Variants in TMEM144 observed in about 807,000 individuals in gnomAD.
The protein encoded by TMEM144 is transmembrane protein 144.
In TMEM144, 39 loss-of-function variants were observed where a neutral mutation model predicts 43.6. The observed-to-expected ratio is 0.90, with a 90% CI of 0.69 to 1.17. The LOEUF is 1.17. Among genes scored for constraint, TMEM144 ranks in the 50% most tolerant of loss-of-function variants. The pLI is 0.00. For missense variants in TMEM144, 417 were observed against 411.9 expected, an observed-to-expected ratio of 1.01 and a Z score of -0.11; for synonymous variants, 154 against 133.6, an observed-to-expected ratio of 1.15 and a Z score of -1.06.
At chr4:158,234,793 G>A (rs73860315) in intron 7 of TMEM144, 76 of 152,368 alleles carry the variant, frequency 5.0e-4, no homozygotes, top group African/African-American at 1.8e-3. Context: ...GGACGATGCA[G>A]GGTTTCATCA....
intron 12 of TMEM144, among the ~76,000 whole-genome samples, chr4:158,252,402 A>C (rs1301648460): frequency 6.6e-6 from 1 of 151,998 alleles, no homozygotes; most frequent in African/African-American, 2.4e-5. Context: ...GACTACAGTC[A>C]CCTCCTAATT....
intron 7 of TMEM144, chr4:158,234,837 T>C (rs1025779589): frequency 6.5e-6 from 1 of 152,704 alleles, no homozygotes; most frequent in Non-Finnish European, 1.5e-5. Flanking sequence ...TGAAAACTTA[T>C]GAATTATTCA....
intron 2 of TMEM144, 92 bp from the exon 3 acceptor site, chr4:158,212,516 G>C (rs920205754): frequency 9.2e-5 from 51 of 552,154 alleles, no homozygotes; most frequent in Non-Finnish European, 1.9e-5. Flanking sequence ...GAGTCTTAGC[G>C]TGCTTTTGAA....
intron 4 of TMEM144, among the ~76,000 whole-genome samples, chr4:158,216,952 A>G (rs940950105): frequency 2.6e-5 from 4 of 152,300 alleles, no homozygotes; most frequent in East Asian, 1.9e-4. Flanking sequence ...TTTTATGGCC[A>G]AGTACTTCTG....
rs774546424 is a variant in TMEM144 at position 158,253,568 on chromosome 4, C to T, written c.*41C>T. On this transcript the variant is annotated 3_prime_UTR_variant, in exon 13 of 13. Transcript: ENST00000296529. ...CAGGTGGCAGCAGTAGTTAAGAGAA[C>T]GCGTCTATCGGACAGCGGAGAGATC... 5.5e-5 allele frequency: 83 copies of T among 1,497,194 alleles called. No homozygotes were observed. The highest frequency in any genetic ancestry group is 7.1e-5 in the Non-Finnish European group (77 of 1,077,048). The allele number at this position is 1,497,194 out of a possible 1,614,324, so 92.7% of individuals were successfully genotyped here. A position where few individuals can be genotyped will look rare whatever the true frequency, so the allele number is the denominator to read the frequency against.
chr4:158,233,409 A>G (rs1309577132), intron 7 of TMEM144: 1 of 152,606 alleles, frequency 6.6e-6, no homozygotes, highest in Non-Finnish European at 1.5e-5. Context: ...AGGAACTGGT[A>G]TCCCATTCTA....
At chr4:158,238,837 C>T (rs1735486921) in intron 9 of TMEM144, among the ~76,000 whole-genome samples, 1 of 152,292 alleles carries the variant, frequency 6.6e-6, no homozygotes, top group Admixed American at 6.5e-5. Flanking sequence ...CCAATCTCCA[C>T]ACAAAGAGAA....
At chr4:158,247,109 G>C (rs1022067820) in intron 12 of TMEM144, among the ~76,000 whole-genome samples, 12 of 151,754 alleles carry the variant, frequency 7.9e-5, no homozygotes, top group Non-Finnish European at 1.5e-4. Flanking sequence ...TGCAAGGATC[G>C]TTCATAATAC....
intron 6 of TMEM144, among the ~76,000 whole-genome samples, chr4:158,219,627 G>T (rs988465726): frequency 1.3e-5 from 2 of 152,174 alleles, no homozygotes; most frequent in African/African-American, 4.8e-5. Context: ...TCATTTAACT[G>T]CTCTTAAGCT....
At chr4:158,219,561 T>C (rs1344563571) in intron 6 of TMEM144, among the ~76,000 whole-genome samples, 171 bp downstream of exon 6, 3 of 152,174 alleles carry the variant, frequency 2.0e-5, no homozygotes, top group Admixed American at 1.3e-4. Flanking sequence ...AGTGCCAGAT[T>C]TGGGGGCAGG....
intron 6 of TMEM144, among the ~76,000 whole-genome samples, chr4:158,230,370 T>C (rs1305653219): frequency 6.6e-6 from 1 of 152,188 alleles, no homozygotes; most frequent in East Asian, 1.9e-4. Flanking sequence ...AGTCACACAC[T>C]AATTATCATT....
At chr4:158,221,429 G>A (rs1177316272) in intron 6 of TMEM144, among the ~76,000 whole-genome samples, 3 of 152,286 alleles carry the variant, frequency 2.0e-5, no homozygotes, top group East Asian at 1.9e-4. Context: ...TAAAGTTTGG[G>A]AAATGTAATT....
chr4:158,219,096 G>T (rs142412167), intron 5 of TMEM144, among the ~76,000 whole-genome samples: 1 of 152,154 alleles, frequency 6.6e-6, no homozygotes, highest in African/African-American at 2.4e-5. Flanking sequence ...CTGGATGACA[G>T]AGCAAGCCTC....
intron 6 of TMEM144, 26 bp downstream of exon 6, chr4:158,219,416 G>A: frequency 6.2e-7 from 1 of 1,603,012 alleles, no homozygotes; most frequent in Non-Finnish European, 8.5e-7. Flanking sequence ...TAGTGATTTT[G>A]CTGTTCTTCA....
chr4:158,227,404 C>T (rs569763734), intron 6 of TMEM144, among the ~76,000 whole-genome samples: 1 of 152,262 alleles, frequency 6.6e-6, no homozygotes, highest in Admixed American at 6.5e-5. Context: ...ATTGTTTACA[C>T]TGACAATGAA....
In TMEM144 at chr4:158,253,541, A is replaced by T. The variant is rs1212613492; in HGVS notation, c.*14A>T. On this transcript the variant is annotated 3_prime_UTR_variant, in exon 13 of 13. Transcript: ENST00000296529. ...TCTAAAATCTAACAATGACAAAACC[A>T]GCAGGTGGCAGCAGTAGTTAAGAGA... The T allele has an allele frequency of 1.3e-6, 2 of 1,599,742 alleles. No homozygotes were observed.
At chr4:158,237,664 T>TA (rs1735424992) in intron 9 of TMEM144, 21 bp downstream of exon 9, 1 of 1,468,858 alleles carries the variant, frequency 6.8e-7, no homozygotes, top group African/African-American at 1.4e-5. Flanking sequence ...AAAGTTATCT[T>TA]ACTTTATTAA....
chr4:158,255,081 A>T lies in TMEM144; in HGVS notation c.*1554A>T, dbSNP rs1413450344. On this transcript the variant is annotated 3_prime_UTR_variant, in exon 13 of 13. Transcript: ENST00000296529. ...TGTAGATTGGAGAACACCATGTAAG[A>T]GCTACTAAGCTCACCACCTTCCCAT... The T allele has an allele frequency of 7.3e-6, 1 of 137,912 alleles. No individual in the cohort carries two copies. Among genetic ancestry groups the T allele is most frequent in the African/African-American group, 2.6e-5 (1 of 38,900 alleles). The allele number at this position is 137,912 out of a possible 1,614,324, so 8.5% of individuals were successfully genotyped here.
chr4:158,212,483 T>C (rs1489210649), intron 2 of TMEM144, 125 bp from the exon 3 acceptor site: 1 of 481,758 alleles, frequency 2.1e-6, no homozygotes, highest in Non-Finnish European at 3.7e-6. Flanking sequence ...TATATAGTTG[T>C]GTAATATCCT....
Sources: allele counts gnomAD v4.1 joint callset (sites outside exome capture counted in the v4.1 genomes callset), GRCh38; gene constraint gnomAD v4.1.1; transcripts MANE v1.5; gene names NCBI Gene and HGNC (gene_info 2026-07-23, HGNC 2026-07-21).